The following PCDHGB2 variants were observed in gnomAD, a reference collection of about 807,000 sequenced individuals.
PCDHGB2 encodes the protein protocadherin gamma subfamily B, 2.
A neutral mutation model predicts 59.3 loss-of-function variants in PCDHGB2; 55 were observed. The observed-to-expected ratio is 0.93, with a 90% CI of 0.75 to 1.16. PCDHGB2 has a LOEUF of 1.16. PCDHGB2 is among the 50% of genes most tolerant of loss of function. PCDHGB2 has a pLI of 0.00. For missense variants in PCDHGB2, 1,228 were observed against 1,198.5 expected (o/e 1.02, Z -0.36); for synonymous variants, 516 against 512.0 (o/e 1.01, Z -0.11).
At chr5:141,437,529 C>T (rs1205365959) in intron 1 of PCDHGB2, among the ~76,000 whole-genome samples, 1 of 152,102 alleles carries the variant, frequency 6.6e-6, no homozygotes, top group African/African-American at 2.4e-5. Flanking sequence ...GACAAATGAG[C>T]AAATTGTATC....
At chr5:141,371,714 G>A (rs1286462285) in intron 1 of PCDHGB2, 1 of 1,613,920 alleles carries the variant, frequency 6.2e-7, no homozygotes, top group Non-Finnish European at 8.5e-7. Context: ...CCATCACTCT[G>A]CACATCCTTG....
chr5:141,431,968 T>G lies in PCDHGB2; in HGVS notation c.2422-62839T>G, dbSNP rs571981127. 6.2e-7 allele frequency: 1 copy of G among 1,614,190 alleles called. No individual in the cohort carries two copies. Among genetic ancestry groups the G allele is most frequent in the Admixed American group, 1.7e-5 (1 of 60,024 alleles). On this transcript the variant is annotated intron_variant, in intron 1 of 3. Coordinates refer to ENST00000522605, the MANE Select transcript of PCDHGB2 (RefSeq NM_018923.3). The surrounding 1 kb of genome is among the most constrained non-coding windows in gnomAD (Gnocchi z 4.8). ...AAAAATCTTACGGAAATTACTATAGTTTAGTCACAGACATAGTCTTGGATA... is the reference window on the plus strand; with the variant it reads ...AAAAATCTTACGGAAATTACTATAGGTTAGTCACAGACATAGTCTTGGATA...
intron 1 of PCDHGB2, among the ~76,000 whole-genome samples, chr5:141,461,985 G>C (rs894777268): frequency 2.6e-5 from 4 of 152,170 alleles, no homozygotes; most frequent in Non-Finnish European, 5.9e-5. Flanking sequence ...CACCACGCCA[G>C]GCTAATTTTG....
In PCDHGB2 at chr5:141,485,101, T is replaced by C; in HGVS notation, c.2422-9706T>C. On this transcript the variant is annotated intron_variant, in intron 1 of 3. Coordinates refer to ENST00000522605, the MANE Select transcript of PCDHGB2 (RefSeq NM_018923.3). The surrounding 1 kb of genome is among the most constrained non-coding windows in gnomAD (Gnocchi z 5.7). ...GGAAAGGGAGATAGGTGTCTCCAGC[T>C]GCTGTGGCTGTTTGGGGCGGGTCGG... 1 of 1,158,208 alleles carries C rather than the reference T, an allele frequency of 8.6e-7. No homozygotes were observed. Among genetic ancestry groups the C allele is most frequent in the South Asian group, 1.4e-5 (1 of 72,622 alleles). The allele number at this position is 1,158,208 out of a possible 1,614,324, so 71.7% of individuals were successfully genotyped here.
At chr5:141,446,657 A>G (rs2098510367) in intron 1 of PCDHGB2, among the ~76,000 whole-genome samples, 1 of 152,092 alleles carries the variant, frequency 6.6e-6, no homozygotes, top group African/African-American at 2.4e-5. Context: ...TTGTATTTTT[A>G]GTACAAGACA....
At position 141,393,057 on chromosome 5, in the gene PCDHGB2, G is replaced by C. The variant is rs1273747847; in HGVS notation, c.2421+30501G>C. 9 of 1,613,514 alleles carry C rather than the reference G, an allele frequency of 5.6e-6. No homozygotes were observed. The highest frequency in any genetic ancestry group is 2.2e-5 in the South Asian group (2 of 91,064). ...GCTCTTTGCTCTGAACCCGCGCAGC[G>C]GCAGCTTGATCACCGCGGGCAGGAT... On this transcript the variant is annotated intron_variant, in intron 1 of 3. Coordinates refer to ENST00000522605, the MANE Select transcript of PCDHGB2 (RefSeq NM_018923.3).
At chr5:141,412,139 T>C (rs1380576842) in intron 1 of PCDHGB2, 1 of 152,250 alleles carries the variant, frequency 6.6e-6, no homozygotes, top group Non-Finnish European at 1.5e-5. Flanking sequence ...TGGCCTCTGA[T>C]ACAAACTGCC....
intron 1 of PCDHGB2, chr5:141,422,104 T>C: frequency 6.2e-7 from 1 of 1,607,960 alleles, no homozygotes; most frequent in Non-Finnish European, 8.5e-7. Context: ...TTCTGAAATA[T>C]TCCAATTGGA....
At position 141,361,741 on chromosome 5, in the gene PCDHGB2, G is replaced by A; in HGVS notation, c.1606G>A (p.Asp536Asn). 1 of 1,613,146 alleles carries A rather than the reference G, an allele frequency of 6.2e-7. No individual in the cohort carries two copies. The highest frequency in any genetic ancestry group is 1.3e-5 in the African/African-American group (1 of 75,076). ...RAFELTLQAR[D>N]QGSPALSANV... ...CTTCGAGCTCACACTGCAGGCCCGC[G>A]ACCAGGGCTCGCCCGCGCTCAGCGC... The change falls in exon 1 of 4, where the codon GAC (aspartate) becomes AAC (asparagine). Residue 536 changes from aspartate (D) to asparagine (N), a missense_variant. Around this residue, in one of 3 missense-constraint regions of PCDHGB2, gnomAD observed 781 missense variants for 721.6 expected, o/e 1.08. Transcript: ENST00000522605.
At chr5:141,405,309 A>T (rs1019536231) in intron 1 of PCDHGB2, 2 of 1,614,068 alleles carry the variant, frequency 1.2e-6, no homozygotes, top group Non-Finnish European at 1.7e-6. Context: ...CAGAGCTGTG[A>T]GAAAAATGAG....
rs2099883775 is a variant in PCDHGB2 at position 141,511,415 on chromosome 5, A to G, written c.*242A>G. On this transcript the variant is annotated 3_prime_UTR_variant, in exon 4 of 4. Transcript: ENST00000522605. ...CCCCATCCAATCAACTGCTGTACCC[A>G]TGGGGGTAGTGGGGTTACTGTAGAC... 1.2e-6 allele frequency: 1 copy of G among 868,992 alleles called. No individual in the cohort carries two copies. The highest frequency in any genetic ancestry group is 2.9e-5 in the East Asian group (1 of 34,592). The allele number at this position is 868,992 out of a possible 1,614,324, so 53.8% of individuals were successfully genotyped here.
intron 1 of PCDHGB2, among the ~76,000 whole-genome samples, chr5:141,434,746 C>T (rs1591345130): frequency 6.6e-6 from 1 of 151,796 alleles, no homozygotes; most frequent in South Asian, 2.1e-4. Context: ...GGCTATGAGA[C>T]CCCTGATTCC....
rs780604415 is a variant in PCDHGB2, at chr5:141,360,208, T to C, written c.73T>C (p.Phe25Leu). 5.6e-6 allele frequency: 9 copies of C among 1,613,072 alleles called. No homozygotes were observed. The highest frequency in any genetic ancestry group is 7.6e-6 in the Non-Finnish European group (9 of 1,179,534). ...ACTGTTGCCCTTCCTGTTGTCTTTG[T>C]TCCCCGGGGCTCTCCCAGTCCAGAT... ...QVLLPFLLSL[F>L]PGALPVQIRY... Residue 25 changes from phenylalanine to leucine, a missense_variant, in exon 1 of 4, where the codon TTC becomes CTC. Transcript: ENST00000522605.
intron 1 of PCDHGB2, chr5:141,421,999 TC>T: frequency 9.9e-6 from 16 of 1,609,214 alleles, no homozygotes; most frequent in Non-Finnish European, 1.4e-5. Context: ...AAACATCAGC[TC>T]CGGAACTCGG....
At chr5:141,393,800 GA>G (rs1403705962) in intron 1 of PCDHGB2, 2 of 1,613,842 alleles carry the variant, frequency 1.2e-6, no homozygotes, top group Non-Finnish European at 1.7e-6. Flanking sequence ...CACTTCTGGG[GA>G]GGACCAAATT....
intron 1 of PCDHGB2, chr5:141,421,719 C>T (rs2096595246): frequency 6.2e-7 from 1 of 1,613,942 alleles, no homozygotes; most frequent in Non-Finnish European, 8.5e-7. Flanking sequence ...CAGATGTGGG[C>T]GTGAACTCCC....
chr5:141,410,976 C>G (rs750121743), intron 1 of PCDHGB2: 28 of 178,158 alleles, frequency 1.6e-4, no homozygotes, highest in Non-Finnish European at 2.6e-4. Context: ...GCCTCAGCCT[C>G]CCAAGTAGCT....
intron 1 of PCDHGB2, among the ~76,000 whole-genome samples, chr5:141,469,864 C>T (rs963843852): frequency 6.6e-6 from 1 of 152,218 alleles, no homozygotes; most frequent in African/African-American, 2.4e-5. Flanking sequence ...GGTGCAATGG[C>T]TCACGCCTGT....
At chr5:141,380,262 A>G (rs1183031008) in intron 1 of PCDHGB2, among the ~76,000 whole-genome samples, 3 of 152,232 alleles carry the variant, frequency 2.0e-5, no homozygotes, top group African/African-American at 7.2e-5. Flanking sequence ...GGGAAGGAGT[A>G]AAATCTCAGA....
Sources: allele counts gnomAD v4.1 joint callset (sites outside exome capture counted in the v4.1 genomes callset), GRCh38; gene constraint gnomAD v4.1.1; regional missense constraint gnomAD v4.1.1; non-coding constraint Gnocchi (gnomAD v3.1); transcripts MANE v1.5; gene names NCBI Gene and HGNC (gene_info 2026-07-23, HGNC 2026-07-21).